The following LSM11 variants were observed in gnomAD, a reference collection of about 807,000 sequenced individuals.
LSM11 encodes LSM11, U7 small nuclear RNA associated, also known as U7 snRNA-associated Sm-like protein LSm11.
LSM11 carries 14 observed loss-of-function variants against 28.1 expected under a neutral mutation model. That is an observed-to-expected ratio of 0.50 (90% CI 0.33 to 0.78). LSM11 has a LOEUF of 0.78. Among genes scored for constraint, LSM11 ranks in the 30% least tolerant of loss-of-function variants. LSM11 has a pLI of 0.02. For synonymous variants in LSM11, 207 were observed against 214.2 expected (o/e 0.97, Z 0.30); for missense variants, 495 against 510.6 (o/e 0.97, Z 0.30).
In LSM11 at chr5:157,757,549, G is replaced by A. The variant is rs1238045892; in HGVS notation, c.*2285G>A. The A allele has an allele frequency of 1.3e-5, 2 of 152,176 alleles. No homozygotes were observed. Among genetic ancestry groups the A allele is most frequent in the African/African-American group, 4.8e-5 (2 of 41,444 alleles). 9.4% of individuals were successfully genotyped at this position (152,176 alleles called of 1,614,324 possible). On this transcript the variant is annotated 3_prime_UTR_variant, in exon 4 of 4. Coordinates refer to ENST00000286307, the MANE Select transcript of LSM11 (RefSeq NM_173491.4). Reference sequence around the variant, plus strand: ...AAAGTGTACTCTAGAGCCAGATCAGGTGCACTAAAGTTTATAGAGGTTCCA... The same window carrying A: ...AAAGTGTACTCTAGAGCCAGATCAGATGCACTAAAGTTTATAGAGGTTCCA...
At chr5:157,744,269 G>T (rs997396096) in intron 1 of LSM11, 71 bp downstream of exon 1, 56 of 1,167,528 alleles carry the variant, frequency 4.8e-5, no homozygotes, top group Non-Finnish European at 5.7e-5. Flanking sequence ...GGGCGTCTGC[G>T]GGGCGGCGGT....
intron 1 of LSM11, among the ~76,000 whole-genome samples, chr5:157,745,832 G>A (rs533178512): frequency 2.1e-4 from 32 of 152,258 alleles, no homozygotes; most frequent in Admixed American, 2.0e-3. Flanking sequence ...CATTGACGTC[G>A]CACAGAGTTG....
intron 1 of LSM11, among the ~76,000 whole-genome samples, chr5:157,747,907 C>G (rs1561619494): frequency 1.3e-5 from 2 of 152,176 alleles, no homozygotes; most frequent in African/African-American, 4.8e-5. Context: ...AGCCTTGTCA[C>G]TTTTCTCAGC....
At position 157,754,967 on chromosome 5, in the gene LSM11, T is replaced by C; in HGVS notation, c.786T>C (p.Ala262=). Residue 262 remains alanine, a synonymous_variant, in exon 4 of 4, where the codon GCT becomes GCC. Coordinates refer to ENST00000286307, the MANE Select transcript of LSM11 (RefSeq NM_173491.4). ...RYSQTSTWKL[A]SVWGRADTGR... ...CACAGACATCCACTTGGAAGTTGGC[T>C]TCAGTGTGGGGAAGAGCAGACACTG... 1 of 1,614,232 alleles carries C rather than the reference T, an allele frequency of 6.2e-7. No homozygotes were observed. Among genetic ancestry groups the C allele is most frequent in the Non-Finnish European group, 8.5e-7 (1 of 1,180,038 alleles).
In LSM11 at chr5:157,757,392, G is replaced by T. The variant is rs1761344370; in HGVS notation, c.*2128G>T. ...ACCCTTTTCTGATCATTATCAGAAA[G>T]AATCCCCTGAACTTTTCAAGGGGTT... On this transcript the variant is annotated 3_prime_UTR_variant, in exon 4 of 4. Coordinates refer to ENST00000286307, the MANE Select transcript of LSM11 (RefSeq NM_173491.4). 6.6e-6 allele frequency: 1 copy of T among 152,098 alleles called. No individual in the cohort carries two copies. Among genetic ancestry groups the T allele is most frequent in the Non-Finnish European group, 1.5e-5 (1 of 68,026 alleles). 9.4% of individuals were successfully genotyped at this position (152,098 alleles called of 1,614,324 possible). A position where few individuals can be genotyped will look rare whatever the true frequency, so the allele number is the denominator to read the frequency against.
rs1581455931 is a variant in LSM11 at position 157,760,524 on chromosome 5, C to T, written c.*5260C>T. ...TCTACGTATCTATAGTTTCACTGCT[C>T]ATATACCAGCTGCTACAAGAAAAAC... is the stretch of plus-strand genomic sequence containing the variant. On this transcript the variant is annotated 3_prime_UTR_variant, in exon 4 of 4. Coordinates refer to ENST00000286307, the MANE Select transcript of LSM11 (RefSeq NM_173491.4). 1 of 152,194 alleles carries T rather than the reference C, an allele frequency of 6.6e-6. No individual in the cohort carries two copies. The highest frequency in any genetic ancestry group is 6.5e-5 in the Admixed American group (1 of 15,282). The allele number at this position is 152,194 out of a possible 1,614,324, so 9.4% of individuals were successfully genotyped here. A position where few individuals can be genotyped will look rare whatever the true frequency, so the allele number is the denominator to read the frequency against.
At position 157,744,010 on chromosome 5, in the gene LSM11, C is replaced by T; in HGVS notation, c.260C>T (p.Pro87Leu). ...GGCGCGGCCGCGGGCTCTGGGGTTC[C>T]CGCCGCACCCGGGCCCTCGGGCAGG... is the stretch of plus-strand genomic sequence containing the variant. ...ARGAAAGSGV[P>L]AAPGPSGRTR... The change falls in exon 1 of 4, where the codon CCC (proline) becomes CTC (leucine). Residue 87 changes from proline (P) to leucine (L), a missense_variant. Transcript: ENST00000286307. The T allele has an allele frequency of 7.5e-7, 1 of 1,326,494 alleles. No individual in the cohort carries two copies. The highest frequency in any genetic ancestry group is 9.6e-7 in the Non-Finnish European group (1 of 1,038,206). The allele number at this position is 1,326,494 out of a possible 1,614,324, so 82.2% of individuals were successfully genotyped here.
At chr5:157,746,268 G>C (rs1221190784) in intron 1 of LSM11, among the ~76,000 whole-genome samples, 1 of 152,208 alleles carries the variant, frequency 6.6e-6, no homozygotes, top group African/African-American at 2.4e-5. Flanking sequence ...CTATGCATTT[G>C]AGAATGCATA....
At position 157,744,009 on chromosome 5, in the gene LSM11, C is replaced by G. The variant is rs1025416556; in HGVS notation, c.259C>G (p.Pro87Ala). 32 of 1,323,382 alleles carry G rather than the reference C, an allele frequency of 2.4e-5. No homozygotes were observed. The highest frequency in any genetic ancestry group is 6.2e-5 in the African/African-American group (4 of 64,406). 82.0% of individuals were successfully genotyped at this position (1,323,382 alleles called of 1,614,324 possible). Residue 87 changes from proline to alanine, a missense_variant, in exon 1 of 4, where the codon CCC becomes GCC. Transcript: ENST00000286307. ...GGGCGCGGCCGCGGGCTCTGGGGTT[C>G]CCGCCGCACCCGGGCCCTCGGGCAG... ...ARGAAAGSGVPAAPGPSGRTR... is the reference protein window; with the variant it reads ...ARGAAAGSGVAAAPGPSGRTR...
At chr5:157,749,602 A>C (rs1275150986) in intron 1 of LSM11, among the ~76,000 whole-genome samples, 3 of 140,624 alleles carry the variant, frequency 2.1e-5, no homozygotes, top group African/African-American at 7.9e-5. Context: ...ACACACACAC[A>C]CACACCCACA....
chr5:157,751,355 T>C (rs1581451479), intron 1 of LSM11, 35 bp from the exon 2 acceptor site: 5 of 1,545,324 alleles, frequency 3.2e-6, no homozygotes, highest in Non-Finnish European at 4.4e-6. Flanking sequence ...AGGGCAGATA[T>C]TAAAACTGTC....
At chr5:157,752,544 G>A (rs1242159791) in intron 2 of LSM11, among the ~76,000 whole-genome samples, 2 of 151,830 alleles carry the variant, frequency 1.3e-5, no homozygotes, top group Admixed American at 6.6e-5. Flanking sequence ...ACTATAATTT[G>A]AGGTAGTTAA....
intron 2 of LSM11, among the ~76,000 whole-genome samples, chr5:157,752,525 A>G (rs914279298): frequency 6.6e-6 from 1 of 152,084 alleles, no homozygotes; most frequent in Non-Finnish European, 1.5e-5. Flanking sequence ...AGGGATATGT[A>G]ATAGCACAAC....
intron 1 of LSM11, among the ~76,000 whole-genome samples, chr5:157,747,990 C>G (rs2113069863): frequency 8.5e-6 from 1 of 118,288 alleles, no homozygotes; most frequent in South Asian, 2.9e-4. Context: ...CTGCACCACA[C>G]TGCTGTGTGT....
At chr5:157,751,262 G>C (rs944876234) in intron 1 of LSM11, 128 bp from the exon 2 acceptor site, 17 of 1,055,752 alleles carry the variant, frequency 1.6e-5, no homozygotes, top group African/African-American at 4.9e-5. Context: ...GGACCTTCCT[G>C]TTCCAATAGT....
At chr5:157,752,495 C>T (rs933408548) in intron 2 of LSM11, among the ~76,000 whole-genome samples, 1 of 151,900 alleles carries the variant, frequency 6.6e-6, no homozygotes, top group South Asian at 2.1e-4. Context: ...TACTTTTTTT[C>T]TAGACATTTG....
rs913611203 is a variant in LSM11 at position 157,758,143 on chromosome 5, A to G, written c.*2879A>G. On this transcript the variant is annotated 3_prime_UTR_variant, in exon 4 of 4. Transcript: ENST00000286307. ...TTCTTTCTCTCTTTTTTTTGAGACAATTTCTCTCTTGTTGCCTAGGCAGTG... is the reference window on the plus strand; with the variant it reads ...TTCTTTCTCTCTTTTTTTTGAGACAGTTTCTCTCTTGTTGCCTAGGCAGTG... 3.9e-5 allele frequency: 6 copies of G among 151,986 alleles called. No homozygotes were observed. Among genetic ancestry groups the G allele is most frequent in the Admixed American group, 1.3e-4 (2 of 15,276 alleles). 9.4% of individuals were successfully genotyped at this position (151,986 alleles called of 1,614,324 possible).
intron 3 of LSM11, among the ~76,000 whole-genome samples, chr5:157,754,370 CAT>C (rs766660295): frequency 2.0e-5 from 3 of 152,116 alleles, no homozygotes; most frequent in Non-Finnish European, 4.4e-5. Context: ...TTTCTCTTGA[CAT>C]ATGTATTATG....
rs1014199768 is a variant in LSM11, at chr5:157,756,345, A to G, written c.*1081A>G. ...CAGCCTGGCTTGAGTCAACAGGAAC[A>G]CCATAGCACCCACAAATACTTCTAC... On this transcript the variant is annotated 3_prime_UTR_variant, in exon 4 of 4. Coordinates refer to ENST00000286307, the MANE Select transcript of LSM11 (RefSeq NM_173491.4). 6.6e-6 allele frequency: 1 copy of G among 152,660 alleles called. No individual in the cohort carries two copies. Among genetic ancestry groups the G allele is most frequent in the African/African-American group, 2.4e-5 (1 of 41,444 alleles). 9.5% of individuals were successfully genotyped at this position (152,660 alleles called of 1,614,324 possible).
Sources: allele counts gnomAD v4.1 joint callset (sites outside exome capture counted in the v4.1 genomes callset), GRCh38; gene constraint gnomAD v4.1.1; transcripts MANE v1.5; gene names NCBI Gene and HGNC (gene_info 2026-07-23, HGNC 2026-07-21).